Variants in NR1D2 observed in about 807,000 individuals in gnomAD.
NR1D2 encodes nuclear receptor subfamily 1 group D member 2.
In NR1D2, 25 loss-of-function variants were observed where a neutral mutation model predicts 52.2. The observed-to-expected ratio is 0.48, with a 90% CI of 0.35 to 0.67. The LOEUF (loss-of-function observed/expected upper bound fraction) is 0.67, where lower values mean the gene tolerates loss of function less well. Among genes scored for constraint, NR1D2 ranks in the 30% least tolerant of loss-of-function variants. NR1D2 has a pLI of 0.01. For missense variants in NR1D2, 681 were observed against 707.2 expected (o/e 0.96, Z 0.42); for synonymous variants, 259 against 230.1 (o/e 1.13, Z -1.14).
intron 1 of NR1D2, among the ~76,000 whole-genome samples, chr3:23,952,316 A>G (rs1055842090): frequency 2.6e-5 from 4 of 152,220 alleles, no homozygotes; most frequent in African/African-American, 9.7e-5. Context: ...GATCGAGTCC[A>G]GGCATAGGCT....
intron 1 of NR1D2, among the ~76,000 whole-genome samples, chr3:23,948,866 A>G (rs1354823026): frequency 2.6e-5 from 4 of 152,140 alleles, no homozygotes; most frequent in Non-Finnish European, 5.9e-5. Flanking sequence ...GGTGAAGGAG[A>G]TACTGCATGT....
chr3:23,956,919 T>C (rs1706094424), intron 3 of NR1D2, among the ~76,000 whole-genome samples: 1 of 152,050 alleles, frequency 6.6e-6, no homozygotes, highest in Admixed American at 6.6e-5. Flanking sequence ...GTAAACAAGA[T>C]AATGAATATA....
intron 1 of NR1D2, among the ~76,000 whole-genome samples, chr3:23,950,349 T>C (rs1705892999): frequency 6.6e-6 from 1 of 152,366 alleles, no homozygotes; most frequent in East Asian, 1.9e-4. Flanking sequence ...GGCTGACTTA[T>C]CCTCTCTGAG....
intron 3 of NR1D2, among the ~76,000 whole-genome samples, chr3:23,956,394 A>C (rs1303991477): frequency 1.3e-5 from 2 of 152,178 alleles, no homozygotes; most frequent in Non-Finnish European, 2.9e-5. Context: ...AACCAAGTGC[A>C]CCAAATGCTC....
intron 1 of NR1D2, among the ~76,000 whole-genome samples, chr3:23,947,978 CGTG>C (rs1705807043): frequency 2.0e-5 from 3 of 152,028 alleles, no homozygotes; most frequent in Admixed American, 2.0e-4. Flanking sequence ...ATTAGCCGGG[CGTG>C]GTGGTGGGCT....
At chr3:23,963,778 G>A (rs1405608256) in intron 5 of NR1D2, among the ~76,000 whole-genome samples, 1 of 152,070 alleles carries the variant, frequency 6.6e-6, no homozygotes, top group African/African-American at 2.4e-5. Flanking sequence ...GGAAAAATCT[G>A]TGGGCATTTT....
chr3:23,946,632 C>G (rs1362994033), intron 1 of NR1D2: 3 of 152,318 alleles, frequency 2.0e-5, no homozygotes, highest in Middle Eastern at 3.4e-3. Flanking sequence ...GTGCAGCTCA[C>G]GTATGGTCAG....
intron 1 of NR1D2, chr3:23,946,351 A>G (rs9862416): frequency 0.35 from 331,052 of 957,386 alleles, 61,638 homozygotes; most frequent in African/African-American, 0.68. Context: ...GAAGTGCAGG[A>G]CGAGGGCGTG....
chr3:23,980,169 TAAG>T lies in NR1D2; in HGVS notation c.*2752_*2754del, dbSNP rs1287498689. ...TCAAGAAATTACCATTGTAACTTGA[TAAG>T]AGATGATTTATTTTATGTAAACATC... On this transcript the variant is annotated 3_prime_UTR_variant, in exon 8 of 8. Transcript: ENST00000312521. 1 of 152,192 alleles carries T rather than the reference TAAG, an allele frequency of 6.6e-6. No individual in the cohort carries two copies. The allele number at this position is 152,192 out of a possible 1,614,324, so 9.4% of individuals were successfully genotyped here.
chr3:23,964,626 T>A (rs1317207494), intron 5 of NR1D2: 1 of 162,446 alleles, frequency 6.2e-6, no homozygotes, highest in Non-Finnish European at 1.3e-5. Flanking sequence ...ATCAAACAAT[T>A]GAATTTGTTT....
chr3:23,950,902 C>CTTTTTTTTTTTTTTTTTTTTTT (rs1181448290), intron 1 of NR1D2, among the ~76,000 whole-genome samples: 7 of 123,106 alleles, frequency 5.7e-5, no homozygotes, highest in Admixed American at 8.4e-5. Flanking sequence ...CTTTCTTTTT[C>CTTTTTTTTTTTTTTTTTTTTTT]TTTTTTTTTT....
chr3:23,950,515 C>T (rs1164509516), intron 1 of NR1D2, among the ~76,000 whole-genome samples: 3 of 152,232 alleles, frequency 2.0e-5, no homozygotes. Context: ...ACTAGATGTA[C>T]TCCTTTTCTT....
At position 23,945,467 on chromosome 3, in the gene NR1D2, C is replaced by A; in HGVS notation, c.-112C>A. The A allele has an allele frequency of 1.8e-6, 1 of 546,194 alleles. No individual in the cohort carries two copies. The highest frequency in any genetic ancestry group is 2.4e-6 in the Non-Finnish European group (1 of 412,912). The allele number at this position is 546,194 out of a possible 1,614,324, so 33.8% of individuals were successfully genotyped here. ...CCCGCCCGCTCTGCCCATGAGGGGG[C>A]CCCGCGACCACCGCTGCTTCCAGCC... On this transcript the variant is annotated 5_prime_UTR_variant, in exon 1 of 8. Transcript: ENST00000312521.
intron 1 of NR1D2, chr3:23,946,128 C>T (rs969791768): frequency 8.1e-6 from 8 of 984,864 alleles, no homozygotes; most frequent in East Asian, 2.3e-4. Flanking sequence ...ATTCCCTCCT[C>T]CCCCGCGGGG....
chr3:23,961,945 A>G (rs943409812), intron 4 of NR1D2, 32 bp from the exon 5 acceptor site: 1 of 1,548,066 alleles, frequency 6.5e-7, no homozygotes, highest in Non-Finnish European at 8.7e-7. Flanking sequence ...CTTATTTAGA[A>G]TATAGACGTT....
chr3:23,963,447 G>T, intron 5 of NR1D2: 3 of 1,154,428 alleles, frequency 2.6e-6, no homozygotes, highest in South Asian at 1.7e-5. Context: ...AGGCTAAGTC[G>T]TTGCTTTTTT....
chr3:23,945,927 T>G (rs1705674001), intron 1 of NR1D2, among the ~76,000 whole-genome samples: 2 of 147,480 alleles, frequency 1.4e-5, no homozygotes, highest in Non-Finnish European at 3.0e-5. Context: ...TGACGCGGCA[T>G]TACATAATGG....
intron 6 of NR1D2, among the ~76,000 whole-genome samples, chr3:23,967,157 C>T (rs1021160948): frequency 1.1e-4 from 16 of 151,866 alleles, no homozygotes; most frequent in African/African-American, 3.6e-4. Flanking sequence ...GAAACCCCAT[C>T]TCTACTAAAA....
In NR1D2 at chr3:23,956,390, G is replaced by T. The variant is rs150417511; in HGVS notation, c.372+265G>T. On this transcript the variant is annotated intron_variant, in intron 3 of 7. Coordinates refer to ENST00000312521, the MANE Select transcript of NR1D2 (RefSeq NM_005126.5). The stretch of plus-strand genomic sequence containing the variant: ...AAACATACTTATTGTGTTAAACCAA[G>T]TGCACCAAATGCTCATTCATTAATG... Among the ~76,000 whole-genome samples the T allele has an allele frequency of 1.6e-4, 25 of 152,204 alleles. No homozygotes were observed. In the East Asian group the frequency reaches 4.0e-3, roughly 25 times the overall value.
Sources: gnomAD v4.1 joint callset for allele counts (sites outside exome capture counted in the v4.1 genomes callset) on GRCh38, gnomAD v4.1.1 for gene constraint, MANE v1.5 for transcripts, NCBI Gene and HGNC (gene_info 2026-07-23, HGNC 2026-07-21) for gene names.